CNTN5: variants seen among roughly 807,000 people sequenced by gnomAD.
CNTN5 encodes the protein contactin-5.
CNTN5 carries 77 observed loss-of-function variants against 129.1 expected under a neutral mutation model. The ratio of observed to expected loss-of-function variants is 0.60; its 90% CI spans 0.50 to 0.72. The LOEUF is 0.72. Among genes scored for constraint, CNTN5 ranks in the 30% least tolerant of loss-of-function variants. The pLI is 0.00. For missense variants in CNTN5, 1,478 were observed against 1,328.8 expected, an observed-to-expected ratio of 1.11 and a Z score of -1.75; for synonymous variants, 509 against 465.6, an observed-to-expected ratio of 1.09 and a Z score of -1.20.
chr11:100,339,336 A>T (rs1275667358), intron 21 of CNTN5, among the ~76,000 whole-genome samples: 2 of 152,076 alleles, frequency 1.3e-5, no homozygotes, highest in Non-Finnish European at 2.9e-5. Flanking sequence ...TTACTGAGCA[A>T]TGAAAATGGC....
At chr11:99,326,578 G>A (rs1184725883) in intron 2 of CNTN5, among the ~76,000 whole-genome samples, 2 of 152,140 alleles carry the variant, frequency 1.3e-5, no homozygotes, top group Non-Finnish European at 2.9e-5. Flanking sequence ...CTTTCTACTA[G>A]CCACACTCAA....
chr11:100,314,393 A>G lies in CNTN5; in HGVS notation c.2730+5925A>G, dbSNP rs776322776. 3.5e-4 allele frequency among the ~76,000 whole-genome samples: 53 copies of G among 152,154 alleles called. 1 individual carries two copies. The highest frequency in any genetic ancestry group is 3.7e-4 in the Non-Finnish European group (25 of 68,012). On this transcript the variant is annotated intron_variant, in intron 21 of 24. Coordinates refer to ENST00000524871, the MANE Select transcript of CNTN5 (RefSeq NM_014361.4). ...AACATGGTGTTTCCCTTGATGTACC[A>G]GGTATTATAGAGCAGGTAAATTAGA... is the stretch of plus-strand genomic sequence containing the variant.
intron 7 of CNTN5, among the ~76,000 whole-genome samples, chr11:99,947,656 C>G (rs1950581996): frequency 6.6e-6 from 1 of 152,062 alleles, no homozygotes; most frequent in Non-Finnish European, 1.5e-5. Context: ...AAATGAAGCC[C>G]AAAAGCAACT....
intron 21 of CNTN5, chr11:100,337,744 G>C: frequency 2.4e-6 from 1 of 409,922 alleles, no homozygotes; most frequent in South Asian, 2.3e-5. Context: ...ATCTATAAAA[G>C]GTCTCCACCG....
chr11:100,254,088 A>G (rs1264507645), intron 16 of CNTN5, among the ~76,000 whole-genome samples: 5 of 152,074 alleles, frequency 3.3e-5, no homozygotes, highest in African/African-American at 1.2e-4. Flanking sequence ...GCCTGAATGG[A>G]CCCTACTGAC....
chr11:99,969,206 T>C (rs1220428964), intron 8 of CNTN5, among the ~76,000 whole-genome samples: 4 of 152,112 alleles, frequency 2.6e-5, no homozygotes, highest in African/African-American at 7.2e-5. Flanking sequence ...CTTGGGAGAA[T>C]TACTTAATAC....
chr11:99,060,480 G>T (rs1864828543), intron 1 of CNTN5, among the ~76,000 whole-genome samples: 2 of 151,976 alleles, frequency 1.3e-5, no homozygotes, highest in African/African-American at 4.8e-5. Flanking sequence ...TTGAAAACAT[G>T]GTCATATTCT....
At chr11:100,156,437 C>G (rs1277399695) in intron 13 of CNTN5, among the ~76,000 whole-genome samples, 1 of 152,120 alleles carries the variant, frequency 6.6e-6, no homozygotes, top group African/African-American at 2.4e-5. Flanking sequence ...CATCGACGTT[C>G]ATCAGGGATA....
At position 100,207,291 on chromosome 11, in the gene CNTN5, T is replaced by C. The variant is rs1345012618; in HGVS notation, c.1884+13628T>C. Among the ~76,000 whole-genome samples, 4 of 152,148 alleles carry C rather than the reference T, an allele frequency of 2.6e-5. No individual in the cohort carries two copies. In the East Asian group the frequency reaches 7.7e-4, roughly 29 times the overall value. ...TTCTTACAATTAATGTTTAATTGAA[T>C]TCAACTAAGCTCATTACTAAAGGTT... On this transcript the variant is annotated intron_variant, in intron 15 of 24. Transcript: ENST00000524871.
At chr11:99,320,658 A>G (rs904451339) in intron 1 of CNTN5, among the ~76,000 whole-genome samples, 5 of 152,214 alleles carry the variant, frequency 3.3e-5, no homozygotes, top group Non-Finnish European at 7.3e-5. Context: ...TATGATGTAT[A>G]AAAAGGAGGG....
chr11:99,534,398 G>A (rs1947825996), intron 2 of CNTN5, among the ~76,000 whole-genome samples: 1 of 152,100 alleles, frequency 6.6e-6, no homozygotes, highest in East Asian at 1.9e-4. Flanking sequence ...GTTTTATCTG[G>A]TTTCTTATGT....
chr11:99,424,812 C>T (rs901806947), intron 2 of CNTN5, among the ~76,000 whole-genome samples: 2 of 152,228 alleles, frequency 1.3e-5, no homozygotes, highest in Non-Finnish European at 2.9e-5. Context: ...CTCTTTCAGT[C>T]GGGCCATTCA....
chr11:99,081,419 A>G (rs569531808), intron 1 of CNTN5, among the ~76,000 whole-genome samples: 2 of 152,304 alleles, frequency 1.3e-5, no homozygotes, highest in East Asian at 3.9e-4. Context: ...AGCTTTAATG[A>G]TCCTTTCTAC....
At chr11:99,729,188 G>C (rs982930829) in intron 3 of CNTN5, among the ~76,000 whole-genome samples, 2 of 152,172 alleles carry the variant, frequency 1.3e-5, no homozygotes, top group Admixed American at 1.3e-4. Context: ...TGGGTATTTA[G>C]AAGGATGAGA....
chr11:99,439,823 A>G (rs1208694788), intron 2 of CNTN5, among the ~76,000 whole-genome samples: 1 of 152,124 alleles, frequency 6.6e-6, no homozygotes, highest in Non-Finnish European at 1.5e-5. Context: ...CCGCTGTCCA[A>G]CAATTAAGAT....
intron 13 of CNTN5, among the ~76,000 whole-genome samples, chr11:100,177,966 G>A (rs996131262): frequency 5.9e-5 from 9 of 152,054 alleles, no homozygotes; most frequent in Admixed American, 3.9e-4. Flanking sequence ...AACCTGCCAG[G>A]GTTCTCATTT....
intron 1 of CNTN5, among the ~76,000 whole-genome samples, chr11:99,087,594 G>A (rs901775745): frequency 2.0e-5 from 3 of 152,114 alleles, no homozygotes; most frequent in African/African-American, 7.2e-5. Flanking sequence ...TTTAATCCAG[G>A]TGGTTGTGCA....
rs189314101 is a variant in CNTN5 at position 100,029,754 on chromosome 11, T to C, written c.980+27618T>C. ...CTATTCGTACCCCTAGCTTTTGTAA[T>C]GATTTTTTAAGTTAAAAAATCTTTT... On this transcript the variant is annotated intron_variant, in intron 9 of 24. Coordinates refer to ENST00000524871, the MANE Select transcript of CNTN5 (RefSeq NM_014361.4). Among the ~76,000 whole-genome samples, 11 of 152,314 alleles carry C rather than the reference T, an allele frequency of 7.2e-5. No individual in the cohort carries two copies. In the East Asian group the frequency reaches 1.5e-3, roughly 21 times the overall value.
rs1183343865 is a variant in CNTN5 at position 99,436,458 on chromosome 11, C to T, written c.-71+110974C>T. 2.6e-5 allele frequency among the ~76,000 whole-genome samples: 4 copies of T among 152,134 alleles called. No individual in the cohort carries two copies. The East Asian group carries it at 5.8e-4, about 22-fold the overall frequency. On this transcript the variant is annotated intron_variant, in intron 2 of 24. Coordinates refer to ENST00000524871, the MANE Select transcript of CNTN5 (RefSeq NM_014361.4). ...GCTTCCTTACATCTTTCACAGCATA[C>T]GTTTGAATCTTACTCACTTTATATT...
Sources: gnomAD v4.1 joint callset for allele counts (sites outside exome capture counted in the v4.1 genomes callset) on GRCh38, gnomAD v4.1.1 for gene constraint, MANE v1.5 for transcripts, NCBI Gene and HGNC (gene_info 2026-07-23, HGNC 2026-07-21) for gene names.